Variants in CAB39L observed in about 807,000 individuals in gnomAD.
CAB39L encodes the protein calcium binding protein 39 like.
In CAB39L, 23 loss-of-function variants were observed where a neutral mutation model predicts 39.1. That is an observed-to-expected ratio of 0.59 (90% CI 0.42 to 0.83). The LOEUF is 0.83. Among genes scored for constraint, CAB39L ranks in the 40% least tolerant of loss-of-function variants. The pLI, the probability that CAB39L is intolerant of heterozygous loss-of-function variation, is 0.00. For missense variants in CAB39L, 366 were observed against 391.9 expected (o/e 0.93, Z 0.56); for synonymous variants, 126 against 137.2 (o/e 0.92, Z 0.57).
chr13:49,336,180 G>C (rs928138352), intron 9 of CAB39L, among the ~76,000 whole-genome samples: 2 of 148,842 alleles, frequency 1.3e-5, no homozygotes, highest in African/African-American at 4.9e-5. Flanking sequence ...GTTTATATAT[G>C]AGCTTATTTC....
chr13:49,337,770 ACACACG>A (rs1478815397), intron 9 of CAB39L, among the ~76,000 whole-genome samples: 1 of 140,600 alleles, frequency 7.1e-6, no homozygotes, highest in Non-Finnish European at 1.6e-5. Flanking sequence ...ACACACACAC[ACACACG>A]CCTATCTCCC....
chr13:49,376,314 T>C (rs1319409799), intron 5 of CAB39L, among the ~76,000 whole-genome samples: 1 of 152,240 alleles, frequency 6.6e-6, no homozygotes, highest in Non-Finnish European at 1.5e-5. Context: ...AACTTGTCTA[T>C]GTATCCATTT....
intron 5 of CAB39L, among the ~76,000 whole-genome samples, chr13:49,365,083 C>T (rs1234660003): frequency 1.3e-5 from 2 of 152,030 alleles, no homozygotes; most frequent in African/African-American, 4.8e-5. Context: ...CAGCATGATA[C>T]TGGCATAAAA....
At chr13:49,324,998 G>T (rs1954456050) in intron 10 of CAB39L, among the ~76,000 whole-genome samples, 1 of 152,158 alleles carries the variant, frequency 6.6e-6, no homozygotes, top group African/African-American at 2.4e-5. Flanking sequence ...ATTTTGTAAA[G>T]TAGGTAACAA....
At position 49,331,449 on chromosome 13, in the gene CAB39L, G is replaced by A. The variant is rs565343886; in HGVS notation, c.834+498C>T. ...CCACTGCACTCCAGCCTGGGCAACAGAGTGAGACTCCATCTCAAAACAAAA... is the reference window on the plus strand; with the variant it reads ...CCACTGCACTCCAGCCTGGGCAACAAAGTGAGACTCCATCTCAAAACAAAA... On this transcript the variant is annotated intron_variant, in intron 10 of 10. Transcript: ENST00000409308. 5.3e-5 allele frequency among the ~76,000 whole-genome samples: 8 copies of A among 152,226 alleles called. No homozygotes were observed. The South Asian group carries it at 1.7e-3, about 32-fold the overall frequency.
intron 6 of CAB39L, among the ~76,000 whole-genome samples, chr13:49,356,687 T>C (rs1014000663): frequency 6.6e-6 from 1 of 152,218 alleles, no homozygotes; most frequent in African/African-American, 2.4e-5. Flanking sequence ...CCCTAGGTTT[T>C]AAAGTGACTT....
chr13:49,403,982 T>C (rs969295801), intron 3 of CAB39L, among the ~76,000 whole-genome samples: 4 of 152,202 alleles, frequency 2.6e-5, no homozygotes, highest in Non-Finnish European at 5.9e-5. Flanking sequence ...AAGAACCTAA[T>C]GTATACTATA....
intron 3 of CAB39L, among the ~76,000 whole-genome samples, chr13:49,384,951 G>A (rs1389019476): frequency 2.6e-5 from 4 of 152,192 alleles, no homozygotes; most frequent in Non-Finnish European, 5.9e-5. Context: ...TTTTGGAATG[G>A]GAAATGAATA....
intron 9 of CAB39L, among the ~76,000 whole-genome samples, chr13:49,339,233 C>T (rs1420808366): frequency 2.7e-5 from 4 of 150,036 alleles, no homozygotes; most frequent in Admixed American, 6.7e-5. Flanking sequence ...CAGGTTCAAG[C>T]GATTCTCCTG....
intron 3 of CAB39L, among the ~76,000 whole-genome samples, chr13:49,430,246 G>A (rs900798540): frequency 6.6e-6 from 1 of 152,152 alleles, no homozygotes; most frequent in Non-Finnish European, 1.5e-5. Flanking sequence ...AACTGCTATA[G>A]ATAGTTGGGC....
intron 3 of CAB39L, among the ~76,000 whole-genome samples, chr13:49,418,724 G>A (rs924702230): frequency 3.3e-5 from 5 of 151,894 alleles, no homozygotes; most frequent in African/African-American, 7.3e-5. Flanking sequence ...AACCATGCCC[G>A]GCTAATTGTA....
At position 49,336,014 on chromosome 13, in the gene CAB39L, C is replaced by A. The variant is rs375697223; in HGVS notation, c.690+3663G>T. On this transcript the variant is annotated intron_variant, in intron 9 of 10. Coordinates refer to ENST00000409308, the MANE Select transcript of CAB39L (RefSeq NM_001079670.3). ...TCTATGTAAAAAGTATTACAGAATC[C>A]ATTTATACAGAAACACAGTTGTGTC... Among the ~76,000 whole-genome samples, 4 of 151,916 alleles carry A rather than the reference C, an allele frequency of 2.6e-5. No homozygotes were observed. In the East Asian group the frequency reaches 7.7e-4, roughly 29 times the overall value.
intron 3 of CAB39L, among the ~76,000 whole-genome samples, chr13:49,400,566 T>C (rs1362264572): frequency 6.6e-6 from 1 of 152,040 alleles, no homozygotes; most frequent in African/African-American, 2.4e-5. Context: ...CTTTATTCCT[T>C]ACTTAGAAAC....
chr13:49,435,923 G>GTGATAT (rs1481034599), intron 1 of CAB39L, among the ~76,000 whole-genome samples: 2 of 152,196 alleles, frequency 1.3e-5, no homozygotes, highest in African/African-American at 4.8e-5. Context: ...CAGGAGGTTA[G>GTGATAT]CTCTTTGTGA....
At chr13:49,410,521 GCTGGTGCTC>G (rs1270803190) in intron 3 of CAB39L, among the ~76,000 whole-genome samples, 1 of 152,164 alleles carries the variant, frequency 6.6e-6, no homozygotes, top group Non-Finnish European at 1.5e-5. Flanking sequence ...CAACTTGTAA[GCTGGTGCTC>G]TGAAGCCAAG....
intron 5 of CAB39L, among the ~76,000 whole-genome samples, chr13:49,361,815 CCT>C (rs1955646104): frequency 6.6e-6 from 1 of 151,954 alleles, no homozygotes; most frequent in South Asian, 2.1e-4. Context: ...GATGAGTGCC[CCT>C]CTCTGTACTA....
At chr13:49,398,105 T>C (rs1364385485) in intron 3 of CAB39L, among the ~76,000 whole-genome samples, 1 of 152,106 alleles carries the variant, frequency 6.6e-6, no homozygotes, top group East Asian at 1.9e-4. Context: ...GCTAAAGTTA[T>C]CTGTTATCCC....
At chr13:49,336,885 C>A (rs1485401212) in intron 9 of CAB39L, among the ~76,000 whole-genome samples, 2 of 152,180 alleles carry the variant, frequency 1.3e-5, no homozygotes, top group African/African-American at 4.8e-5. Flanking sequence ...GAGAACACAG[C>A]GCTGAAGTCA....
chr13:49,337,730 GCGCACACA>G (rs990904989), intron 9 of CAB39L, among the ~76,000 whole-genome samples: 6 of 85,446 alleles, frequency 7.0e-5, no homozygotes, highest in African/African-American at 3.2e-4. Flanking sequence ...AGCTGCTCTG[GCGCACACA>G]CACACACACA....
Sources: gnomAD v4.1 joint callset for allele counts (sites outside exome capture counted in the v4.1 genomes callset) on GRCh38, gnomAD v4.1.1 for gene constraint, MANE v1.5 for transcripts, NCBI Gene and HGNC (gene_info 2026-07-23, HGNC 2026-07-21) for gene names.